STIM1: variants seen among roughly 807,000 people sequenced by gnomAD.
The protein encoded by STIM1 is stromal interaction molecule 1.
A neutral mutation model predicts 74.7 loss-of-function variants in STIM1; 25 were observed. The ratio of observed to expected loss-of-function variants is 0.33; its 90% CI spans 0.24 to 0.47. STIM1 has a LOEUF of 0.47. STIM1 is among the 20% of genes least tolerant of loss of function. STIM1 has a pLI of 1.00. For synonymous variants in STIM1, 328 were observed against 348.8 expected, an observed-to-expected ratio of 0.94 and a Z score of 0.66; for missense variants, 728 against 920.8, an observed-to-expected ratio of 0.79 and a Z score of 2.71.
At chr11:4,079,745 CA>C (rs1376809553) in intron 7 of STIM1, among the ~76,000 whole-genome samples, 1 of 152,124 alleles carries the variant, frequency 6.6e-6, no homozygotes, top group Non-Finnish European at 1.5e-5. Context: ...CATGACCTAC[CA>C]TATCCTACTG....
Position 4,083,309 on chromosome 11 carries a change from C to T in STIM1, c.1285C>T (p.Arg429Cys), listed in dbSNP as rs397514671. The change falls in exon 10 of 13, where the codon CGC becomes TGC. Residue 429 changes from arginine to cysteine, a missense_variant. Arg to Cys is a radical substitution (Grantham distance 180). Coordinates refer to ENST00000526596, the MANE Select transcript of STIM1 (RefSeq NM_001382567.1). Reference protein sequence around the residue: ...VTAALRERLHRWQQIEILCGF... With the variant: ...VTAALRERLHCWQQIEILCGF... ...AGCAGCATTGCGGGAGCGCCTGCAC[C>T]GCTGGCAACAGATCGAGATCCTCTG... The T allele has an allele frequency of 3.7e-6, 6 of 1,614,250 alleles. No individual in the cohort carries two copies. Among genetic ancestry groups the T allele is most frequent in the African/African-American group, 1.3e-5 (1 of 75,066 alleles).
chr11:3,985,765 A>G (rs2093552837), intron 2 of STIM1, among the ~76,000 whole-genome samples: 1 of 152,220 alleles, frequency 6.6e-6, no homozygotes, highest in Non-Finnish European at 1.5e-5. Context: ...CTGGCTCCCA[A>G]GGCCCTGCTT....
intron 2 of STIM1, among the ~76,000 whole-genome samples, chr11:4,022,233 G>T (rs1423785314): frequency 6.6e-6 from 1 of 150,762 alleles, no homozygotes; most frequent in African/African-American, 2.4e-5. Flanking sequence ...TACTTGGGAG[G>T]CAGAGATGGA....
chr11:3,948,597 G>A (rs901226203), intron 1 of STIM1, among the ~76,000 whole-genome samples: 1 of 152,146 alleles, frequency 6.6e-6, no homozygotes, highest in Non-Finnish European at 1.5e-5. Flanking sequence ...GGAGCCCTAC[G>A]TGAGCCAGTT....
intron 1 of STIM1, among the ~76,000 whole-genome samples, chr11:3,905,081 A>G (rs892359857): frequency 6.6e-6 from 1 of 152,098 alleles, no homozygotes; most frequent in Non-Finnish European, 1.5e-5. Context: ...AAGAGAAAGT[A>G]CTGTCTGGGA....
chr11:3,926,040 G>C (rs184848869), intron 1 of STIM1, among the ~76,000 whole-genome samples: 150 of 152,242 alleles, frequency 9.9e-4, no homozygotes, highest in African/African-American at 3.6e-3. Context: ...ATTAGGTATA[G>C]AAGGGTCAGC....
chr11:4,047,003 T>C (rs2094198652), intron 3 of STIM1, among the ~76,000 whole-genome samples: 1 of 152,194 alleles, frequency 6.6e-6, no homozygotes. Flanking sequence ...CCACGTGAGC[T>C]GTATGTTTTT....
At chr11:3,873,091 A>G (rs2091175002) in intron 1 of STIM1, among the ~76,000 whole-genome samples, 1 of 151,914 alleles carries the variant, frequency 6.6e-6, no homozygotes, top group African/African-American at 2.4e-5. Flanking sequence ...GACTATACGC[A>G]GGTGCCACCA....
At chr11:4,072,178 T>C (rs376430203) in intron 6 of STIM1, among the ~76,000 whole-genome samples, 1 of 152,172 alleles carries the variant, frequency 6.6e-6, no homozygotes, top group Non-Finnish European at 1.5e-5. Context: ...AAATGACCAC[T>C]GTGGCACTTA....
intron 1 of STIM1, among the ~76,000 whole-genome samples, chr11:3,918,378 G>T (rs761573611): frequency 6.6e-6 from 1 of 151,870 alleles, no homozygotes; most frequent in Admixed American, 6.6e-5. Context: ...TTAGCTGGGC[G>T]TGGTGGCTTG....
At chr11:4,088,811 T>A in intron 12 of STIM1, 1 of 1,459,982 alleles carries the variant, frequency 6.8e-7, no homozygotes, top group Admixed American at 2.0e-5. Flanking sequence ...TTGTTCTCAG[T>A]GATTCAGGGA....
intron 2 of STIM1, among the ~76,000 whole-genome samples, chr11:3,999,851 G>A (rs535802171): frequency 2.4e-4 from 37 of 152,228 alleles, no homozygotes; most frequent in African/African-American, 8.4e-4. Context: ...GGTGACAGAC[G>A]GCACCTGGAA....
chr11:3,910,344 A>G (rs1486608906), intron 1 of STIM1, among the ~76,000 whole-genome samples: 1 of 152,230 alleles, frequency 6.6e-6, no homozygotes, highest in Non-Finnish European at 1.5e-5. Flanking sequence ...AGCCAAAAGT[A>G]TCTGGCGTAT....
At chr11:4,083,929 G>T (rs1028420614) in intron 10 of STIM1, among the ~76,000 whole-genome samples, 1 of 152,062 alleles carries the variant, frequency 6.6e-6, no homozygotes, top group Non-Finnish European at 1.5e-5. Flanking sequence ...TTGTGTTTTT[G>T]TGAGAGGCCC....
intron 2 of STIM1, among the ~76,000 whole-genome samples, chr11:4,010,863 TC>T (rs1046624557): frequency 3.3e-5 from 5 of 152,046 alleles, no homozygotes; most frequent in Non-Finnish European, 7.4e-5. Flanking sequence ...ATGCTATCCC[TC>T]CCCCAGCCCC....
At chr11:3,859,765 C>T (rs570045229) in intron 1 of STIM1, among the ~76,000 whole-genome samples, 10 of 152,296 alleles carry the variant, frequency 6.6e-5, no homozygotes, top group South Asian at 6.2e-4. Flanking sequence ...GGGTGGCTCC[C>T]GGAACTGGGC....
intron 1 of STIM1, among the ~76,000 whole-genome samples, chr11:3,934,513 C>G (rs1474170444): frequency 6.6e-6 from 1 of 152,178 alleles, no homozygotes; most frequent in Non-Finnish European, 1.5e-5. Context: ...CTGCTTCACT[C>G]TCCACATCTT....
chr11:3,917,216 A>C (rs887605048), intron 1 of STIM1, among the ~76,000 whole-genome samples: 5 of 152,086 alleles, frequency 3.3e-5, no homozygotes, highest in African/African-American at 1.2e-4. Context: ...GGGTGAGGGG[A>C]ACAATGTAGT....
intron 1 of STIM1, among the ~76,000 whole-genome samples, chr11:3,931,614 T>G (rs2092860960): frequency 6.6e-6 from 1 of 152,190 alleles, no homozygotes; most frequent in African/African-American, 2.4e-5. Context: ...GGCTTCACAC[T>G]TACCAGATCC....
Sources: gnomAD v4.1 joint callset for allele counts (sites outside exome capture counted in the v4.1 genomes callset) on GRCh38, gnomAD v4.1.1 for gene constraint, MANE v1.5 for transcripts, NCBI Gene and HGNC (gene_info 2026-07-23, HGNC 2026-07-21) for gene names.